Variants in MGAT4A observed in about 807,000 individuals in gnomAD.
The protein encoded by MGAT4A is N-acetylglucosaminyltransferase IVa.
In MGAT4A, 33 loss-of-function variants were observed where a neutral mutation model predicts 74.1. The observed-to-expected ratio is 0.45, with a 90% CI of 0.34 to 0.60. The LOEUF is 0.60. Ranked by LOEUF, MGAT4A falls within the 20% of genes least tolerant of loss-of-function variation. The pLI, the probability that MGAT4A is intolerant of heterozygous loss-of-function variation, is 0.02. For synonymous variants in MGAT4A, 198 were observed against 210.4 expected, an observed-to-expected ratio of 0.94 and a Z score of 0.51; for missense variants, 479 against 628.3, an observed-to-expected ratio of 0.76 and a Z score of 2.54.
At chr2:98,730,769 G>T (rs1351072111) in intron 1 of MGAT4A, among the ~76,000 whole-genome samples, 1 of 148,900 alleles carries the variant, frequency 6.7e-6, no homozygotes, top group South Asian at 2.1e-4. Flanking sequence ...GCGGGGCAGG[G>T]ACGCTGGGAG....
At position 98,639,850 on chromosome 2, in the gene MGAT4A, TCTCCAGC is replaced by T; in HGVS notation, c.1273_1279del (p.Ala425ThrfsTer13). 1 of 1,613,998 alleles carries T rather than the reference TCTCCAGC, an allele frequency of 6.2e-7. No individual in the cohort carries two copies. Among genetic ancestry groups the T allele is most frequent in the East Asian group, 2.2e-5 (1 of 44,872 alleles). ...TTTATCAAATTTAAACAAGATGTAG[TCTCCAGC>T]TATCGGTGTGATAGCCCAGAAGAAA... On this transcript the variant is annotated frameshift_variant, in exon 12 of 16. Transcript: ENST00000393487. LOFTEE classifies it high-confidence loss of function.
chr2:98,706,894 A>G (rs1702446745), intron 2 of MGAT4A, among the ~76,000 whole-genome samples: 2 of 59,978 alleles, frequency 3.3e-5, no homozygotes, highest in African/African-American at 6.8e-5. Flanking sequence ...TTAAAAATGA[A>G]AAAAAAAAAA....
At chr2:98,655,329 G>A in intron 8 of MGAT4A, 116 bp downstream of exon 8, 2 of 696,744 alleles carry the variant, frequency 2.9e-6, no homozygotes, top group South Asian at 2.1e-5. Context: ...AGATAGTTAT[G>A]ATTTGTCAGA....
At chr2:98,654,179 T>C (rs897480530) in intron 8 of MGAT4A, among the ~76,000 whole-genome samples, 1 of 152,060 alleles carries the variant, frequency 6.6e-6, no homozygotes, top group African/African-American at 2.4e-5. Context: ...ATAAAGGTAA[T>C]ATATGAAAAG....
chr2:98,655,633 T>TAC (rs934810674), intron 7 of MGAT4A, 113 bp from the exon 8 acceptor site: 19 of 658,540 alleles, frequency 2.9e-5, no homozygotes, highest in African/African-American at 7.3e-5. Flanking sequence ...TGTATATGTG[T>TAC]ACACACACAC....
In MGAT4A at chr2:98,621,466, T is replaced by G. The variant is rs1337742811; in HGVS notation, c.*4100A>C. 1 of 1,551,694 alleles carries G rather than the reference T, an allele frequency of 6.4e-7. No homozygotes were observed. The highest frequency in any genetic ancestry group is 1.2e-5 in the South Asian group (1 of 84,056). On this transcript the variant is annotated 3_prime_UTR_variant, in exon 16 of 16. Transcript: ENST00000393487. ...AATGGTGCCTGAGGTCCTTCTGCTT[T>G]GTCTCTTGACTTCTGCCACCAGCCC...
intron 2 of MGAT4A, among the ~76,000 whole-genome samples, chr2:98,686,879 G>A (rs759375631): frequency 1.2e-4 from 18 of 152,090 alleles, no homozygotes; most frequent in Non-Finnish European, 2.4e-4. Flanking sequence ...TAAGTTCATC[G>A]TGAAGTCCCA....
rs1701663741 is a variant in MGAT4A, at chr2:98,656,469, T to C, written c.585-4A>G. On this transcript the variant is annotated splice_region_variant and splice_polypyrimidine_tract_variant and intron_variant, in intron 6 of 15. Transcript: ENST00000393487. Reference sequence around the variant, plus strand: ...AGAACTGATTTCTTTAGAAAATCTATTATGAGAAAGTTAGCTGAGTTACTT... The same window carrying C: ...AGAACTGATTTCTTTAGAAAATCTACTATGAGAAAGTTAGCTGAGTTACTT... The C allele has an allele frequency of 1.3e-6, 2 of 1,579,024 alleles. No homozygotes were observed. Among genetic ancestry groups the C allele is most frequent in the East Asian group, 2.2e-5 (1 of 44,622 alleles).
intron 4 of MGAT4A, 170 bp from the exon 5 acceptor site, chr2:98,663,349 C>G: frequency 6.5e-7 from 1 of 1,530,548 alleles, no homozygotes; most frequent in Non-Finnish European, 8.8e-7. Flanking sequence ...ACCTGTAATA[C>G]TGTAATTCAT....
At chr2:98,673,796 CCACAA>C (rs1335398413) in intron 4 of MGAT4A, among the ~76,000 whole-genome samples, 2 of 151,874 alleles carry the variant, frequency 1.3e-5, no homozygotes, top group Non-Finnish European at 2.9e-5. Context: ...ACAAACAAAC[CCACAA>C]CTACTTAAGA....
At chr2:98,630,807 G>A (rs572516453) in intron 14 of MGAT4A, among the ~76,000 whole-genome samples, 1 of 152,258 alleles carries the variant, frequency 6.6e-6, no homozygotes, top group African/African-American at 2.4e-5. Flanking sequence ...GAGAAGAAAA[G>A]GGAAGAAGAC....
At chr2:98,648,700 C>T (rs1007699013) in intron 8 of MGAT4A, among the ~76,000 whole-genome samples, 8 of 147,612 alleles carry the variant, frequency 5.4e-5, no homozygotes, top group Non-Finnish European at 1.2e-4. Flanking sequence ...CCAGCCTTGG[C>T]AAGAGAGGAA....
At chr2:98,694,277 AC>A (rs1388837098) in intron 2 of MGAT4A, 2 of 152,792 alleles carry the variant, frequency 1.3e-5, no homozygotes, top group African/African-American at 4.8e-5. Flanking sequence ...CATTTTGGGC[AC>A]TGAGCAGGAA....
intron 6 of MGAT4A, among the ~76,000 whole-genome samples, chr2:98,656,861 C>CA (rs983727014): frequency 6.6e-6 from 1 of 152,026 alleles, no homozygotes; most frequent in African/African-American, 2.4e-5. Context: ...GTATATTTTG[C>CA]AAAAACCAAA....
At chr2:98,637,333 A>G (rs570697769) in intron 12 of MGAT4A, among the ~76,000 whole-genome samples, 3 of 151,336 alleles carry the variant, frequency 2.0e-5, no homozygotes, top group Non-Finnish European at 4.4e-5. Flanking sequence ...TAATAATAAT[A>G]ATAGTAATAA....
intron 2 of MGAT4A, among the ~76,000 whole-genome samples, chr2:98,719,259 G>C (rs567818868): frequency 6.6e-6 from 1 of 151,656 alleles, no homozygotes; most frequent in South Asian, 2.1e-4. Context: ...AGGTGGAAAA[G>C]AAAAAAAAGG....
At chr2:98,705,623 A>G (rs529736454) in intron 2 of MGAT4A, among the ~76,000 whole-genome samples, 1 of 152,262 alleles carries the variant, frequency 6.6e-6, no homozygotes, top group African/African-American at 2.4e-5. Context: ...TGATTAGGTG[A>G]TTGTGGAGTA....
At chr2:98,648,778 A>C (rs10189698) in intron 8 of MGAT4A, among the ~76,000 whole-genome samples, 84,691 of 151,590 alleles carry the variant, frequency 0.56, 26,558 homozygotes, top group African/African-American at 0.85. Context: ...AACCTGTAAC[A>C]CCTGCTCTTT....
At position 98,619,633 on chromosome 2, in the gene MGAT4A, G is replaced by A. The variant is rs1044838023; in HGVS notation, c.*5933C>T. 21 of 152,244 alleles carry A rather than the reference G, an allele frequency of 1.4e-4. No homozygotes were observed. Among genetic ancestry groups the A allele is most frequent in the East Asian group, 3.9e-4 (2 of 5,178 alleles). 9.4% of individuals were successfully genotyped at this position (152,244 alleles called of 1,614,324 possible). A position where few individuals can be genotyped will look rare whatever the true frequency, so the allele number is the denominator to read the frequency against. ...TGGCAGTGCATCTTACAGTACTGTC[G>A]ATAGCAGCCATTTTTAAGGCTCAGA... On this transcript the variant is annotated 3_prime_UTR_variant, in exon 16 of 16. Transcript: ENST00000393487.
Sources: gnomAD v4.1 joint callset for allele counts (sites outside exome capture counted in the v4.1 genomes callset) on GRCh38, gnomAD v4.1.1 for gene constraint, MANE v1.5 for transcripts, NCBI Gene and HGNC (gene_info 2026-07-23, HGNC 2026-07-21) for gene names.